The following LINGO2 variants were observed in gnomAD, a reference collection of about 807,000 sequenced individuals.
LINGO2 encodes the protein leucine rich repeat and Ig domain containing 2, also known as leucine-rich repeat and immunoglobulin-like domain-containing nogo receptor-interacting protein 2.
LINGO2 carries 14 observed loss-of-function variants against 30.6 expected under a neutral mutation model. The ratio of observed to expected loss-of-function variants is 0.46; its 90% CI spans 0.30 to 0.72. The LOEUF (loss-of-function observed/expected upper bound fraction) is 0.72, where lower values mean the gene tolerates loss of function less well. Among genes scored for constraint, LINGO2 ranks in the 30% least tolerant of loss-of-function variants. The pLI, the probability that LINGO2 is intolerant of heterozygous loss-of-function variation, is 0.07. For synonymous variants in LINGO2, 317 were observed against 288.5 expected (o/e 1.10, Z -1.00); for missense variants, 729 against 751.7 (o/e 0.97, Z 0.35).
At chr9:28,744,103 T>C in the LINGO2 span, among the ~76,000 whole-genome samples, 3 of 134,168 alleles carry the variant, frequency 2.2e-5, no homozygotes, top group Admixed American at 2.6e-4. Flanking sequence ...TATATATATA[T>C]ATATATTTTT....
At chr9:29,036,515 T>C in the LINGO2 span, among the ~76,000 whole-genome samples, 1 of 151,968 alleles carries the variant, frequency 6.6e-6, no homozygotes, top group Admixed American at 6.6e-5. Flanking sequence ...GGAAAAGGGA[T>C]TGGAAATTTA....
At chr9:29,188,741 C>G in the LINGO2 span, among the ~76,000 whole-genome samples, 1 of 139,140 alleles carries the variant, frequency 7.2e-6, no homozygotes, top group African/African-American at 2.6e-5. Context: ...GGCGGCTGGC[C>G]GGGCAGAGGG....
the LINGO2 span, among the ~76,000 whole-genome samples, chr9:29,192,360 C>T: frequency 3.3e-5 from 5 of 152,086 alleles, no homozygotes; most frequent in Non-Finnish European, 7.4e-5. Context: ...TAAAATTATA[C>T]TACAAACAGA....
the LINGO2 span, among the ~76,000 whole-genome samples, chr9:28,733,595 A>G: frequency 1.3e-5 from 2 of 152,142 alleles, no homozygotes; most frequent in Non-Finnish European, 2.9e-5. Flanking sequence ...TCACCTTGAA[A>G]GCATGATTCC....
At chr9:28,486,446 A>T (rs115900893) in intron 1 of LINGO2, among the ~76,000 whole-genome samples, 53 of 152,298 alleles carry the variant, frequency 3.5e-4, no homozygotes, top group African/African-American at 1.2e-3. Context: ...TTAGAGAAAA[A>T]AAAATGTTTA....
At chr9:29,200,675 A>C in the LINGO2 span, among the ~76,000 whole-genome samples, 1 of 152,154 alleles carries the variant, frequency 6.6e-6, no homozygotes, top group Non-Finnish European at 1.5e-5. Flanking sequence ...ATGAACAAAC[A>C]AAAGTTACAT....
the LINGO2 span, among the ~76,000 whole-genome samples, chr9:28,743,646 G>A: frequency 6.6e-6 from 1 of 151,942 alleles, no homozygotes; most frequent in Non-Finnish European, 1.5e-5. Flanking sequence ...CATTATTTCT[G>A]ATGAGAATGT....
the LINGO2 span, among the ~76,000 whole-genome samples, chr9:29,115,715 T>C: frequency 6.6e-6 from 1 of 152,046 alleles, no homozygotes; most frequent in Non-Finnish European, 1.5e-5. Context: ...ATTTTTATCA[T>C]GATATGCAAT....
the LINGO2 span, among the ~76,000 whole-genome samples, chr9:28,918,205 G>A: frequency 2.6e-5 from 4 of 152,110 alleles, no homozygotes; most frequent in African/African-American, 9.7e-5. Flanking sequence ...CTTACATGGT[G>A]GCGGCAAGAG....
intron 2 of LINGO2, among the ~76,000 whole-genome samples, chr9:28,379,729 A>G (rs760153191): frequency 5.3e-5 from 8 of 152,078 alleles, no homozygotes; most frequent in Non-Finnish European, 7.4e-5. Context: ...AAGTTGTCAT[A>G]TCGAGATGGA....
the LINGO2 span, among the ~76,000 whole-genome samples, chr9:29,032,831 T>C: frequency 6.6e-6 from 1 of 152,284 alleles, no homozygotes; most frequent in East Asian, 1.9e-4. Context: ...TGGTTAATGA[T>C]TACTGTATTG....
intron 4 of LINGO2, among the ~76,000 whole-genome samples, chr9:28,055,510 G>T (rs530844097): frequency 1.3e-5 from 2 of 152,290 alleles, no homozygotes; most frequent in East Asian, 1.9e-4. Flanking sequence ...TTAGGAAAAT[G>T]TAAGGTACTT....
At chr9:28,701,727 G>GA in the LINGO2 span, among the ~76,000 whole-genome samples, 1 of 151,622 alleles carries the variant, frequency 6.6e-6, no homozygotes, top group Non-Finnish European at 1.5e-5. Flanking sequence ...AAATCAAGTT[G>GA]AAAAAAATGA....
chr9:28,142,260 C>G (rs955330823), intron 4 of LINGO2, among the ~76,000 whole-genome samples: 1 of 150,810 alleles, frequency 6.6e-6, no homozygotes, highest in African/African-American at 2.4e-5. Context: ...TAAGTTTATC[C>G]TCTAAGAGAA....
At chr9:29,174,141 G>T in the LINGO2 span, among the ~76,000 whole-genome samples, 5 of 151,848 alleles carry the variant, frequency 3.3e-5, no homozygotes, top group African/African-American at 9.7e-5. Flanking sequence ...AATGTAAAAA[G>T]ATACTCGCTT....
intron 2 of LINGO2, among the ~76,000 whole-genome samples, chr9:28,461,913 T>C (rs982099771): frequency 6.6e-6 from 1 of 152,176 alleles, no homozygotes; most frequent in African/African-American, 2.4e-5. Context: ...TTATTAGATG[T>C]CAGCAGTCCA....
the LINGO2 span, among the ~76,000 whole-genome samples, chr9:29,125,164 A>G: frequency 6.6e-6 from 1 of 152,162 alleles, no homozygotes; most frequent in African/African-American, 2.4e-5. Context: ...ACAGGAACAT[A>G]AAACCAAACA....
intron 4 of LINGO2, among the ~76,000 whole-genome samples, chr9:28,078,292 G>T (rs1262175713): frequency 6.7e-6 from 1 of 148,892 alleles, no homozygotes; most frequent in East Asian, 1.9e-4. Flanking sequence ...CAACTGAGAG[G>T]ATGTGCAGTT....
intron 3 of LINGO2, among the ~76,000 whole-genome samples, chr9:28,370,132 T>C (rs1027826220): frequency 4.6e-5 from 7 of 152,138 alleles, no homozygotes; most frequent in African/African-American, 1.4e-4. Flanking sequence ...TTCCTAATCT[T>C]TCTTCTGTAT....
Sources: gnomAD v4.1 joint callset for allele counts (sites outside exome capture counted in the v4.1 genomes callset) on GRCh38, gnomAD v4.1.1 for gene constraint, MANE v1.5 for transcripts, NCBI Gene and HGNC (gene_info 2026-07-23, HGNC 2026-07-21) for gene names.